The following PCDH15 variants were observed in gnomAD, a reference collection of about 807,000 sequenced individuals.
PCDH15 encodes the protein protocadherin-15.
In PCDH15, 129 loss-of-function variants were observed where a neutral mutation model predicts 178.5. The ratio of observed to expected loss-of-function variants is 0.72; its 90% CI spans 0.63 to 0.84. The LOEUF (loss-of-function observed/expected upper bound fraction) is 0.84. PCDH15 is among the 40% of genes least tolerant of loss of function. The pLI is 0.00. For synonymous variants in PCDH15, 800 were observed against 732.0 expected (o/e 1.09, Z -1.50); for missense variants, 2,230 against 2,099.9 (o/e 1.06, Z -1.21).
At chr10:54,621,580 C>T (rs914901933) in intron 2 of PCDH15, among the ~76,000 whole-genome samples, 2 of 151,984 alleles carry the variant, frequency 1.3e-5, no homozygotes, top group African/African-American at 4.8e-5. Flanking sequence ...CCTCTGAATA[C>T]ATAGTCTCTA....
intron 7 of PCDH15, among the ~76,000 whole-genome samples, chr10:54,323,910 A>G (rs552177679): frequency 6.6e-6 from 1 of 152,270 alleles, no homozygotes; most frequent in African/African-American, 2.4e-5. Context: ...TTTTTGTTTG[A>G]GATATTTGCC....
At chr10:55,123,547 T>C (rs1045815220) in intron 2 of PCDH15, among the ~76,000 whole-genome samples, 2 of 152,146 alleles carry the variant, frequency 1.3e-5, no homozygotes, top group Non-Finnish European at 2.9e-5. Context: ...TTTTAACCCT[T>C]CTGCCTTAGA....
At chr10:54,860,274 T>C (rs1953816022) in intron 3 of PCDH15, among the ~76,000 whole-genome samples, 1 of 152,106 alleles carries the variant, frequency 6.6e-6, no homozygotes, top group South Asian at 2.1e-4. Context: ...ACACAGTAGG[T>C]AGTTTTTCAG....
chr10:54,763,087 T>C (rs1038328215), intron 1 of PCDH15, among the ~76,000 whole-genome samples: 5 of 152,152 alleles, frequency 3.3e-5, no homozygotes, highest in African/African-American at 1.2e-4. Flanking sequence ...CACTATTTCA[T>C]TTGTCTTCTG....
At chr10:53,868,322 G>A (rs372321023) in intron 26 of PCDH15, among the ~76,000 whole-genome samples, 1 of 151,628 alleles carries the variant, frequency 6.6e-6, no homozygotes, top group East Asian at 1.9e-4. Context: ...GAATTGCTAA[G>A]AATCATACAA....
At chr10:54,230,042 A>G (rs940648361) in intron 9 of PCDH15, among the ~76,000 whole-genome samples, 12 of 152,158 alleles carry the variant, frequency 7.9e-5, no homozygotes, top group African/African-American at 2.7e-4. Flanking sequence ...ATTTCTACTG[A>G]TTCAGTTCTG....
At chr10:54,704,192 A>G (rs1408948006) in intron 1 of PCDH15, among the ~76,000 whole-genome samples, 1 of 151,940 alleles carries the variant, frequency 6.6e-6, no homozygotes, top group Non-Finnish European at 1.5e-5. Flanking sequence ...GACATAGGCA[A>G]AATTTTACAA....
intron 2 of PCDH15, among the ~76,000 whole-genome samples, chr10:54,999,301 A>C (rs898841794): frequency 1.4e-5 from 1 of 72,982 alleles, no homozygotes; most frequent in Non-Finnish European, 3.0e-5. Context: ...AAATAAATAA[A>C]GAAAATTTTT....
chr10:55,343,893 T>C (rs1008878458), intron 2 of PCDH15, among the ~76,000 whole-genome samples: 1 of 152,198 alleles, frequency 6.6e-6, no homozygotes, highest in African/African-American at 2.4e-5. Flanking sequence ...GCTTACATGG[T>C]AAATTTTAAA....
At chr10:54,153,874 C>T (rs1030217736) in intron 13 of PCDH15, among the ~76,000 whole-genome samples, 3 of 152,050 alleles carry the variant, frequency 2.0e-5, no homozygotes, top group Admixed American at 6.6e-5. Context: ...ACTGATAAGT[C>T]GTAGAGTATT....
intron 7 of PCDH15, among the ~76,000 whole-genome samples, chr10:54,325,412 G>C (rs12253049): frequency 0.041 from 6,194 of 152,048 alleles, 375 homozygotes; most frequent in African/African-American, 0.14. Context: ...ATATATTGGT[G>C]CTTAATGTAC....
At chr10:55,235,489 C>T (rs896390271) in intron 1 of PCDH15, among the ~76,000 whole-genome samples, 1 of 152,072 alleles carries the variant, frequency 6.6e-6, no homozygotes, top group African/African-American at 2.4e-5. Context: ...AGTTCTCATT[C>T]AATAGAAACT....
chr10:55,148,941 T>A (rs1013260655), intron 2 of PCDH15, among the ~76,000 whole-genome samples: 1 of 150,930 alleles, frequency 6.6e-6, no homozygotes, highest in Admixed American at 6.6e-5. Context: ...CAAATACTGA[T>A]TACATCTTAG....
chr10:54,852,068 C>G (rs1454247948), intron 3 of PCDH15, among the ~76,000 whole-genome samples: 2 of 152,056 alleles, frequency 1.3e-5, no homozygotes, highest in Admixed American at 1.3e-4. Context: ...GGTAGTAATA[C>G]AGCGTTTATT....
chr10:54,089,485 T>G (rs1565228225), intron 16 of PCDH15, among the ~76,000 whole-genome samples: 1 of 152,332 alleles, frequency 6.6e-6, no homozygotes, highest in African/African-American at 2.4e-5. Context: ...ATATCTCAGA[T>G]GTATTCAGAG....
chr10:55,366,308 G>A (rs1182673001), intron 2 of PCDH15: 2 of 152,002 alleles, frequency 1.3e-5, no homozygotes, highest in Non-Finnish European at 2.9e-5. Context: ...TTATGAATAA[G>A]ACCAATAAAG....
intron 2 of PCDH15, among the ~76,000 whole-genome samples, chr10:54,567,320 A>T (rs1292824522): frequency 6.6e-6 from 1 of 152,146 alleles, no homozygotes; most frequent in Non-Finnish European, 1.5e-5. Context: ...TTCTCAGGGA[A>T]GAAGTTTTTA....
At chr10:54,308,006 T>C (rs886862372) in intron 8 of PCDH15, among the ~76,000 whole-genome samples, 4 of 152,050 alleles carry the variant, frequency 2.6e-5, no homozygotes, top group Non-Finnish European at 5.9e-5. Flanking sequence ...ATAGTAGTCA[T>C]GAAAACCACA....
intron 4 of PCDH15, among the ~76,000 whole-genome samples, chr10:54,373,268 T>G (rs1947945344): frequency 7.9e-6 from 1 of 125,818 alleles, no homozygotes; most frequent in South Asian, 3.1e-4. Context: ...GTTTGTCTAA[T>G]TCTCAGGAGT....
Sources: allele counts gnomAD v4.1 joint callset (sites outside exome capture counted in the v4.1 genomes callset), GRCh38; gene constraint gnomAD v4.1.1; transcripts MANE v1.5; gene names NCBI Gene and HGNC (gene_info 2026-07-23, HGNC 2026-07-21).